CAMK2B: variants seen among roughly 807,000 people sequenced by gnomAD.
The protein encoded by CAMK2B is calcium/calmodulin dependent protein kinase II beta.
Under a neutral mutation model 93.7 loss-of-function variants are expected in CAMK2B, and 27 were observed. That is an observed-to-expected ratio of 0.29 (90% CI 0.21 to 0.40). CAMK2B has a LOEUF of 0.40. CAMK2B is among the 10% of genes least tolerant of loss of function. The pLI is 1.00. For missense variants in CAMK2B, 568 were observed against 895.8 expected, an observed-to-expected ratio of 0.63 and a Z score of 4.67; for synonymous variants, 374 against 358.8, an observed-to-expected ratio of 1.04 and a Z score of -0.48.
intron 2 of CAMK2B, among the ~76,000 whole-genome samples, chr7:44,279,616 G>A (rs1234036465): frequency 6.6e-6 from 1 of 152,198 alleles, no homozygotes; most frequent in Non-Finnish European, 1.5e-5. Context: ...CAGCTTGAGA[G>A]GCACAAGCAC....
rs143094681 is a variant in CAMK2B, at chr7:44,279,217, C to G, written c.160+4914G>C. Among the ~76,000 whole-genome samples the G allele has an allele frequency of 3.9e-4, 59 of 152,306 alleles. No individual in the cohort carries two copies. The East Asian group carries it at 8.9e-3, about 23-fold the overall frequency. On this transcript the variant is annotated intron_variant, in intron 2 of 23. Transcript: ENST00000395749. The stretch of plus-strand genomic sequence containing the variant: ...CACTGAATGGTAAACATCCCAGGGT[C>G]TGGGGCCCAGATGGAACAAGACTGG...
chr7:44,293,081 C>G (rs947029288), intron 1 of CAMK2B, among the ~76,000 whole-genome samples: 2 of 152,174 alleles, frequency 1.3e-5, no homozygotes, highest in Non-Finnish European at 2.9e-5. Context: ...CTGGGGACCA[C>G]GTGCCCCTCC....
rs1793458229 is a variant in CAMK2B at position 44,311,230 on chromosome 7, C to T, written c.65+14127G>A. On this transcript the variant is annotated intron_variant, in intron 1 of 23. Transcript: ENST00000395749. This position sits in a 1 kb window ranked among gnomAD's most constrained non-coding sequence, Gnocchi z 4.2. ...AGCTGGGATTACAGGCACATGCCAC[C>T]ACGCCTGGCACATTTTTGTATTTTT... 6.6e-6 allele frequency among the ~76,000 whole-genome samples: 1 copy of T among 152,176 alleles called. No individual in the cohort carries two copies. Among genetic ancestry groups the T allele is most frequent in the Non-Finnish European group, 1.5e-5 (1 of 68,034 alleles).
chr7:44,315,044 A>C (rs970752657), intron 1 of CAMK2B, among the ~76,000 whole-genome samples: 7 of 152,150 alleles, frequency 4.6e-5, no homozygotes, highest in African/African-American at 1.7e-4. Context: ...CCACTTTCTC[A>C]ATGGTGTCCT....
chr7:44,220,587 C>T (rs200998827), intron 22 of CAMK2B, 29 bp downstream of exon 22: 1 of 1,589,238 alleles, frequency 6.3e-7, no homozygotes, highest in East Asian at 2.2e-5. Flanking sequence ...GCACCGCCCC[C>T]TCATGCCCAC....
intron 2 of CAMK2B, among the ~76,000 whole-genome samples, chr7:44,282,475 G>A (rs547312039): frequency 1.3e-5 from 2 of 152,346 alleles, no homozygotes; most frequent in Admixed American, 6.5e-5. Flanking sequence ...TGAACCCTCT[G>A]CAGTGTCACC....
chr7:44,284,222 C>T lies in CAMK2B; in HGVS notation c.69G>A (p.Gly23=). Residue 23 remains glycine (G), a synonymous_variant, in exon 2 of 24, where the codon GGG becomes GGA. Transcript: ENST00000395749. ...EYQLYEDIGK[G]AFSVVRRCVK... ...CACAGCGTCGGACCACAGAGAAAGCCCCCCTGGGGAGGAAAATGGGGGAGC... is the reference window on the plus strand; with the variant it reads ...CACAGCGTCGGACCACAGAGAAAGCTCCCCTGGGGAGGAAAATGGGGGAGC... 1.9e-6 allele frequency: 3 copies of T among 1,611,920 alleles called. No homozygotes were observed. The highest frequency in any genetic ancestry group is 1.3e-5 in the African/African-American group (1 of 74,998).
At chr7:44,264,083 C>G (rs753949051) in intron 2 of CAMK2B, 1 of 154,110 alleles carries the variant, frequency 6.5e-6, no homozygotes, top group African/African-American at 2.4e-5. Context: ...GCCCCCTCTA[C>G]CTGCCCAGTG....
chr7:44,296,930 G>A (rs1430356470), intron 1 of CAMK2B, among the ~76,000 whole-genome samples: 1 of 152,092 alleles, frequency 6.6e-6, no homozygotes, highest in Non-Finnish European at 1.5e-5. Context: ...TATTCAGAAA[G>A]AAGGAAAATG....
intron 1 of CAMK2B, among the ~76,000 whole-genome samples, chr7:44,314,552 G>A (rs533731576): frequency 6.6e-6 from 1 of 152,192 alleles, no homozygotes; most frequent in African/African-American, 2.4e-5. Context: ...CATCTGGGCT[G>A]TTTCTACTTT....
rs772956703 is a variant in CAMK2B, at chr7:44,242,209, G to T, written c.819+9C>A. 9.3e-6 allele frequency: 15 copies of T among 1,610,188 alleles called. No homozygotes were observed. The highest frequency in any genetic ancestry group is 1.1e-5 in the Non-Finnish European group (13 of 1,177,574). The stretch of plus-strand genomic sequence containing the variant: ...CCCCTCCCCACCATGGGCACCAAGG[G>T]CGACTCACGCAGACCCACGGGTGCT... On this transcript the variant is annotated intron_variant, in intron 10 of 23. Coordinates refer to ENST00000395749, the MANE Select transcript of CAMK2B (RefSeq NM_001220.5).
At chr7:44,222,735 T>G (rs1021765944) in intron 20 of CAMK2B, among the ~76,000 whole-genome samples, 1 of 152,206 alleles carries the variant, frequency 6.6e-6, no homozygotes, top group African/African-American at 2.4e-5. Flanking sequence ...TGAGCCACTG[T>G]GCCCAGCCAG....
chr7:44,243,269 A>C lies in CAMK2B; in HGVS notation c.582T>G (p.Pro194=), dbSNP rs11542228. The C allele has an allele frequency of 6.2e-6, 10 of 1,613,236 alleles. No individual in the cohort carries two copies. The highest frequency in any genetic ancestry group is 2.7e-5 in the African/African-American group (2 of 74,864). The change falls in exon 8 of 24, where the codon CCT becomes CCG. Residue 194 remains proline (P), a synonymous_variant. Coordinates refer to ENST00000395749, the MANE Select transcript of CAMK2B (RefSeq NM_001220.5). The part of the protein sequence containing the change: ...EVLRKEAYGK[P]VDIWACGVIL... ...CCTCACCACATGCCCAGATGTCCAC[A>C]GGCTTGCCATACGCCTCTTTGCGAA...
At chr7:44,276,837 C>A (rs1477134524) in intron 2 of CAMK2B, among the ~76,000 whole-genome samples, 1 of 152,220 alleles carries the variant, frequency 6.6e-6, no homozygotes, top group East Asian at 1.9e-4. Context: ...GCTCTGCTAA[C>A]CACCAGCTAG....
chr7:44,311,904 G>C lies in CAMK2B; in HGVS notation c.65+13453C>G, dbSNP rs1793667467. 6.6e-6 allele frequency among the ~76,000 whole-genome samples: 1 copy of C among 152,222 alleles called. No homozygotes were observed. The highest frequency in any genetic ancestry group is 2.4e-5 in the African/African-American group (1 of 41,454). On this transcript the variant is annotated intron_variant, in intron 1 of 23. Coordinates refer to ENST00000395749, the MANE Select transcript of CAMK2B (RefSeq NM_001220.5). This position sits in a 1 kb window ranked among gnomAD's most constrained non-coding sequence, Gnocchi z 4.2. The stretch of plus-strand genomic sequence containing the variant: ...ACTGACCCTCACGACGCTCCAAGAG[G>C]TGACCCTTCTCCTGCCCAGGGTCAT...
At chr7:44,302,203 A>G (rs28873478) in intron 1 of CAMK2B, among the ~76,000 whole-genome samples, 63,386 of 152,026 alleles carry the variant, frequency 0.42, 13,572 homozygotes, top group Middle Eastern at 0.51. Context: ...CACACAATGA[A>G]ATATAGATAA....
rs551871458 is a variant in CAMK2B, at chr7:44,263,169, C to T, written c.161-105G>A. 123 of 1,045,540 alleles carry T rather than the reference C, an allele frequency of 1.2e-4. 2 individuals are homozygous for T. The highest frequency in any genetic ancestry group is 1.0e-3 in the South Asian group (67 of 65,892). 64.8% of individuals were successfully genotyped at this position (1,045,540 alleles called of 1,614,324 possible). A position where few individuals can be genotyped will look rare whatever the true frequency, so the allele number is the denominator to read the frequency against. ...CACAAGGGTGTGCCAGGGCCTCTGA[C>T]GAGAGGAGTGGTTGTGCCCCCACCA... On this transcript the variant is annotated intron_variant, in intron 2 of 23. Coordinates refer to ENST00000395749, the MANE Select transcript of CAMK2B (RefSeq NM_001220.5).
intron 5 of CAMK2B, among the ~76,000 whole-genome samples, chr7:44,249,029 C>T (rs1333605746): frequency 6.6e-6 from 1 of 152,136 alleles, no homozygotes; most frequent in African/African-American, 2.4e-5. Flanking sequence ...TCTCCCTGGC[C>T]TACATCTAGA....
intron 6 of CAMK2B, chr7:44,244,860 G>A: frequency 2.2e-6 from 1 of 449,370 alleles, no homozygotes; most frequent in Non-Finnish European, 4.5e-6. Flanking sequence ...GGCAGCATTG[G>A]GGGCTTCTGT....
Sources: allele counts gnomAD v4.1 joint callset (sites outside exome capture counted in the v4.1 genomes callset), GRCh38; gene constraint gnomAD v4.1.1; non-coding constraint Gnocchi (gnomAD v3.1); transcripts MANE v1.5; gene names NCBI Gene and HGNC (gene_info 2026-07-23, HGNC 2026-07-21).